FANCB: variants seen among roughly 807,000 people sequenced by gnomAD.
FANCB encodes the protein Fanconi anemia group B protein.
A neutral mutation model predicts 38.9 loss-of-function variants in FANCB; 5 were observed. That is an observed-to-expected ratio of 0.13 (90% CI 0.07 to 0.27). The LOEUF is 0.27. FANCB is among the 10% of genes least tolerant of loss of function. FANCB has a pLI of 1.00. For missense variants in FANCB, 573 were observed against 602.7 expected (o/e 0.95, Z 0.52); for synonymous variants, 236 against 215.4 (o/e 1.10, Z -0.84).
chrX:14,831,726 T>A (rs1256438821), downstream of FANCB, among the ~76,000 whole-genome samples: 2 of 111,760 alleles, frequency 1.8e-5, no homozygotes, highest in Non-Finnish European at 3.8e-5. Context: ...AGTGGAAAGA[T>A]GATGAATAGT....
the FANCB span, among the ~76,000 whole-genome samples, chrX:14,698,649 G>A: frequency 1.2e-5 from 1 of 83,842 alleles, no homozygotes; most frequent in Admixed American, 1.6e-4. Flanking sequence ...CTGTACTCCA[G>A]CCTGGGCGAC....
At chrX:14,808,559 C>T in the FANCB span, among the ~76,000 whole-genome samples, 4 of 111,897 alleles carry the variant, frequency 3.6e-5, no homozygotes, top group African/African-American at 1.3e-4. Context: ...AGAAGGAACA[C>T]ACCTCAACAT....
the FANCB span, among the ~76,000 whole-genome samples, chrX:14,735,220 A>G: frequency 9.1e-6 from 1 of 109,881 alleles, no homozygotes; most frequent in African/African-American, 3.3e-5. Context: ...CGCCTTCTGA[A>G]GCCTACTTCT....
the FANCB span, among the ~76,000 whole-genome samples, chrX:14,829,168 G>A: frequency 8.9e-6 from 1 of 111,878 alleles, no homozygotes; most frequent in Non-Finnish European, 1.9e-5. Context: ...TGGGTGTCCA[G>A]GAACATTGTC....
the FANCB span, among the ~76,000 whole-genome samples, chrX:14,792,868 G>A: frequency 2.7e-5 from 3 of 111,369 alleles, no homozygotes; most frequent in Non-Finnish European, 3.8e-5. Flanking sequence ...ATTTTATTAT[G>A]ATATCTGACT....
At chrX:14,843,302 C>A (rs1393955347), downstream of FANCB, 3 of 304,396 alleles carry the variant, frequency 9.9e-6, no homozygotes, top group Admixed American at 5.8e-5. Context: ...ACCCCTGCCT[C>A]ACCCCTTCCT....
chrX:14,799,507 C>A, the FANCB span, among the ~76,000 whole-genome samples: 4 of 111,874 alleles, frequency 3.6e-5, no homozygotes, highest in African/African-American at 1.3e-4. Flanking sequence ...AAGTGAGGTG[C>A]TGCTGTAACA....
the FANCB span, chrX:14,690,945 A>G: frequency 1.4e-3 from 1,409 of 972,255 alleles, 11 homozygotes; most frequent in African/African-American, 0.024. Context: ...AGCACACAAT[A>G]AGCAAGAAGC....
chrX:14,752,788 G>A, the FANCB span, among the ~76,000 whole-genome samples: 1 of 111,471 alleles, frequency 9.0e-6, no homozygotes, highest in African/African-American at 3.3e-5. Context: ...TTCCTCAATT[G>A]TCAAGGTTTT....
the FANCB span, among the ~76,000 whole-genome samples, chrX:14,704,822 A>T: frequency 9.8e-5 from 11 of 111,885 alleles, no homozygotes; most frequent in Middle Eastern, 4.6e-3. Flanking sequence ...AGGGGCAGAT[A>T]AAAAAAACTG....
the FANCB span, among the ~76,000 whole-genome samples, chrX:14,807,511 A>C: frequency 8.9e-6 from 1 of 112,382 alleles, no homozygotes; most frequent in African/African-American, 3.2e-5. Flanking sequence ...TGCTGCAGTT[A>C]TAACCCCAAA....
the FANCB span, among the ~76,000 whole-genome samples, chrX:14,770,130 GA>G: frequency 8.9e-6 from 1 of 112,367 alleles, no homozygotes; most frequent in Non-Finnish European, 1.9e-5. Flanking sequence ...AATTTGGGTG[GA>G]AAGTTCTGTA....
At chrX:14,779,461 G>C in the FANCB span, among the ~76,000 whole-genome samples, 1 of 111,392 alleles carries the variant, frequency 9.0e-6, no homozygotes, top group Non-Finnish European at 1.9e-5. Context: ...AGCCATGAGG[G>C]CTCCTCCCTC....
intron 2 of FANCB, among the ~76,000 whole-genome samples, chrX:14,865,796 A>G (rs1048206527): frequency 3.6e-5 from 4 of 112,252 alleles, no homozygotes; most frequent in Admixed American, 9.4e-5. Context: ...TCAAATAACC[A>G]TATCAAAAAA....
At chrX:14,761,303 T>C in the FANCB span, among the ~76,000 whole-genome samples, 8 of 111,238 alleles carry the variant, frequency 7.2e-5, no homozygotes, top group Middle Eastern at 4.7e-3. Context: ...ATGCCCCACC[T>C]AAAAGATTTT....
the FANCB span, among the ~76,000 whole-genome samples, chrX:14,694,384 A>C: frequency 8.9e-6 from 1 of 112,262 alleles, no homozygotes; most frequent in Non-Finnish European, 1.9e-5. Flanking sequence ...AAAGCTGTGA[A>C]TATAGTAGAG....
chrX:14,776,760 A>G, the FANCB span, among the ~76,000 whole-genome samples: 1 of 112,848 alleles, frequency 8.9e-6, no homozygotes, highest in African/African-American at 3.2e-5. Context: ...TAGAGCTATG[A>G]GGACTAATGG....
the FANCB span, among the ~76,000 whole-genome samples, chrX:14,757,427 G>T: frequency 2.7e-5 from 3 of 111,726 alleles, no homozygotes; most frequent in Non-Finnish European, 3.8e-5. Flanking sequence ...CCACAGGAAA[G>T]TTATCTGGAA....
chrX:14,712,246 A>G, the FANCB span, among the ~76,000 whole-genome samples: 1 of 112,376 alleles, frequency 8.9e-6, no homozygotes, highest in Non-Finnish European at 1.9e-5. Context: ...TGTCTTGTGC[A>G]TTGCAGGATG....
Sources: allele counts gnomAD v4.1 joint callset (sites outside exome capture counted in the v4.1 genomes callset), GRCh38; gene constraint gnomAD v4.1.1; transcripts MANE v1.5; gene names NCBI Gene and HGNC (gene_info 2026-07-23, HGNC 2026-07-21).